Variants in ADARB1 observed in about 807,000 individuals in gnomAD.
ADARB1 encodes double-stranded RNA-specific editase 1.
In ADARB1, 10 loss-of-function variants were observed where a neutral mutation model predicts 52.4. That is an observed-to-expected ratio of 0.19 (90% CI 0.12 to 0.32). The LOEUF is 0.32. ADARB1 is among the 10% of genes least tolerant of loss of function. The pLI is 1.00. For missense variants in ADARB1, 643 were observed against 922.3 expected, an observed-to-expected ratio of 0.70 and a Z score of 3.92; for synonymous variants, 349 against 371.1, an observed-to-expected ratio of 0.94 and a Z score of 0.68.
At chr21:45,151,672 CAAG>C (rs1483268504) in intron 2 of ADARB1, among the ~76,000 whole-genome samples, 2 of 152,140 alleles carry the variant, frequency 1.3e-5, no homozygotes, top group East Asian at 1.9e-4. Flanking sequence ...TTTTTCTAGA[CAAG>C]AGGAGGCTGA....
Position 45,222,905 on chromosome 21 carries a change from C to T in ADARB1, c.*708C>T. ...GTCCTGCAGAGGCGTGACCCAGGCCCCTGTAGCCCTCAGCCTCCTCTAGAA... is the reference window on the plus strand; with the variant it reads ...GTCCTGCAGAGGCGTGACCCAGGCCTCTGTAGCCCTCAGCCTCCTCTAGAA... On this transcript the variant is annotated 3_prime_UTR_variant, in exon 11 of 11. Coordinates refer to ENST00000348831, the MANE Select transcript of ADARB1 (RefSeq NM_001112.4). 1 of 985,506 alleles carries T rather than the reference C, an allele frequency of 1.0e-6. No individual in the cohort carries two copies. The allele number at this position is 985,506 out of a possible 1,614,324, so 61.0% of individuals were successfully genotyped here. A position where few individuals can be genotyped will look rare whatever the true frequency, so the allele number is the denominator to read the frequency against.
chr21:45,188,451 T>A (rs531299756), intron 8 of ADARB1, among the ~76,000 whole-genome samples: 2 of 152,338 alleles, frequency 1.3e-5, no homozygotes, highest in South Asian at 4.1e-4. Flanking sequence ...TGACCCAATA[T>A]TCTTATCCAT....
intron 2 of ADARB1, among the ~76,000 whole-genome samples, chr21:45,141,557 G>T (rs921841690): frequency 6.6e-6 from 1 of 152,162 alleles, no homozygotes; most frequent in African/African-American, 2.4e-5. Context: ...TCCTTCAAGG[G>T]TGATAGTCCC....
intron 2 of ADARB1, among the ~76,000 whole-genome samples, chr21:45,153,112 A>G (rs1434130397): frequency 2.6e-5 from 4 of 152,260 alleles, no homozygotes; most frequent in African/African-American, 9.6e-5. Context: ...TGCTGCAGAA[A>G]GCAAGGCTGA....
rs1293800846 is a variant in ADARB1, at chr21:45,224,827, C to G, written c.*2630C>G. On this transcript the variant is annotated 3_prime_UTR_variant, in exon 11 of 11. Transcript: ENST00000348831. The stretch of plus-strand genomic sequence containing the variant: ...AATCAGAAAAAAAATAAACAAAATA[C>G]AGAACGCTGACTCCTCCGTGAGACA... The G allele has an allele frequency of 1.0e-6, 1 of 985,494 alleles. No individual in the cohort carries two copies. The highest frequency in any genetic ancestry group is 1.2e-6 in the Non-Finnish European group (1 of 829,896). 61.0% of individuals were successfully genotyped at this position (985,494 alleles called of 1,614,324 possible). A position where few individuals can be genotyped will look rare whatever the true frequency, so the allele number is the denominator to read the frequency against.
At chr21:45,163,235 A>G (rs1346455622) in intron 2 of ADARB1, among the ~76,000 whole-genome samples, 2 of 152,240 alleles carry the variant, frequency 1.3e-5, no homozygotes, top group African/African-American at 2.4e-5. Context: ...GTCAGTTCGT[A>G]TACAGTCAAG....
chr21:45,083,714 C>T (rs750237830), intron 1 of ADARB1, among the ~76,000 whole-genome samples: 3 of 151,764 alleles, frequency 2.0e-5, no homozygotes, highest in African/African-American at 7.3e-5. Context: ...TGTTTTTTTG[C>T]GACAGCGTCT....
chr21:45,149,449 A>G (rs543432715), intron 2 of ADARB1, among the ~76,000 whole-genome samples: 3 of 152,344 alleles, frequency 2.0e-5, no homozygotes, highest in African/African-American at 7.2e-5. Flanking sequence ...TATCTTGTCT[A>G]AATCTTCCAG....
At chr21:45,076,184 G>A (rs1485896597) in intron 1 of ADARB1, among the ~76,000 whole-genome samples, 1 of 152,230 alleles carries the variant, frequency 6.6e-6, no homozygotes, top group Non-Finnish European at 1.5e-5. Flanking sequence ...TCCCAGAGGG[G>A]AAAGGGAGAA....
chr21:45,197,738 A>T (rs551627622), intron 8 of ADARB1, among the ~76,000 whole-genome samples: 1 of 152,340 alleles, frequency 6.6e-6, no homozygotes, highest in African/African-American at 2.4e-5. Flanking sequence ...CTACTGGGTG[A>T]AAAAAAGAAC....
chr21:45,210,924 C>CTGGACA lies in ADARB1; in HGVS notation c.1747+6191_1747+6196dup, dbSNP rs1298646916. On this transcript the variant is annotated intron_variant, in intron 9 of 10. Transcript: ENST00000348831. The stretch of plus-strand genomic sequence containing the variant: ...TAGCATCTCCTGCCCATGCAGCTCT[C>CTGGACA]TGGACATGAGCCCACCTCACTCAGG... Among the ~76,000 whole-genome samples the CTGGACA allele has an allele frequency of 3.3e-5, 5 of 152,368 alleles. No individual in the cohort carries two copies. The South Asian group carries it at 8.3e-4, about 25-fold the overall frequency.
intron 2 of ADARB1, among the ~76,000 whole-genome samples, chr21:45,151,447 C>T (rs780027702): frequency 3.9e-5 from 6 of 152,192 alleles, no homozygotes; most frequent in East Asian, 1.9e-4. Flanking sequence ...CTTTGTTACA[C>T]GAGACAGTAA....
chr21:45,079,545 C>G (rs1414283204), intron 1 of ADARB1, among the ~76,000 whole-genome samples: 3 of 152,172 alleles, frequency 2.0e-5, no homozygotes, highest in Non-Finnish European at 4.4e-5. Context: ...ACTCAAGGGC[C>G]AGATCTGGAG....
chr21:45,182,824 A>G, intron 6 of ADARB1, 71 bp downstream of exon 6: 1 of 1,335,514 alleles, frequency 7.5e-7, no homozygotes, highest in South Asian at 1.6e-5. Context: ...AAACATTGCA[A>G]AACCTTTCAT....
At chr21:45,183,034 A>G (rs1033954775) in intron 6 of ADARB1, among the ~76,000 whole-genome samples, 5 of 152,340 alleles carry the variant, frequency 3.3e-5, no homozygotes, top group African/African-American at 1.2e-4. Context: ...CCAAACTGCC[A>G]GGTAAAGATG....
chr21:45,195,486 A>G (rs1353941806), intron 8 of ADARB1, among the ~76,000 whole-genome samples: 2 of 152,146 alleles, frequency 1.3e-5, no homozygotes, highest in Non-Finnish European at 2.9e-5. Context: ...ACCAAACCCA[A>G]GATCATCTAG....
At chr21:45,149,956 T>G (rs2090200733) in intron 2 of ADARB1, among the ~76,000 whole-genome samples, 1 of 152,222 alleles carries the variant, frequency 6.6e-6, no homozygotes, top group Non-Finnish European at 1.5e-5. Flanking sequence ...CAGAAAATGT[T>G]TGCTACCACT....
intron 1 of ADARB1, among the ~76,000 whole-genome samples, chr21:45,112,325 A>T (rs1390081377): frequency 6.6e-6 from 1 of 152,050 alleles, no homozygotes; most frequent in Non-Finnish European, 1.5e-5. Flanking sequence ...TGCCTTTTTT[A>T]TTCGGTGTAA....
chr21:45,188,907 C>T (rs1240548652), intron 8 of ADARB1, among the ~76,000 whole-genome samples: 1 of 152,138 alleles, frequency 6.6e-6, no homozygotes, highest in African/African-American at 2.4e-5. Context: ...ACTAACAGTT[C>T]CACCTGGCTG....
Sources: gnomAD v4.1 joint callset for allele counts (sites outside exome capture counted in the v4.1 genomes callset) on GRCh38, gnomAD v4.1.1 for gene constraint, MANE v1.5 for transcripts, NCBI Gene and HGNC (gene_info 2026-07-23, HGNC 2026-07-21) for gene names.